The following MALRD1 variants were observed in gnomAD, a reference collection of about 807,000 sequenced individuals.
MALRD1 encodes MAM and LDL-receptor class A domain-containing protein 1.
In MALRD1, 247 loss-of-function variants were observed where a neutral mutation model predicts 242.1. The observed-to-expected ratio is 1.02, with a 90% CI of 0.92 to 1.13. MALRD1 has a LOEUF of 1.13. Ranked by LOEUF, MALRD1 falls within the 50% of genes most tolerant of loss-of-function variation. The probability of loss-of-function intolerance (pLI) is 0.00; values close to 1 mark genes in which losing one functional copy is unlikely to be tolerated. For missense variants in MALRD1, 2,989 were observed against 2,533.1 expected (o/e 1.18, Z -3.86); for synonymous variants, 995 against 866.6 (o/e 1.15, Z -2.60).
chr10:19,497,141 A>G lies in MALRD1; in HGVS notation c.5159-1344A>G, dbSNP rs1247067974. On this transcript the variant is annotated intron_variant, in intron 30 of 39. Coordinates refer to ENST00000454679, the MANE Select transcript of MALRD1 (RefSeq NM_001142308.3). ...GTATATCAGGGAGTCACTTACATAG[A>G]AAACTAGTAAAGAATGTGCAGGTGA... 3.3e-5 allele frequency among the ~76,000 whole-genome samples: 5 copies of G among 152,164 alleles called. No individual in the cohort carries two copies. The East Asian group carries it at 9.6e-4, about 29-fold the overall frequency.
At chr10:19,628,732 A>T (rs1215052804) in intron 36 of MALRD1, among the ~76,000 whole-genome samples, 1 of 152,162 alleles carries the variant, frequency 6.6e-6, no homozygotes, top group East Asian at 1.9e-4. Flanking sequence ...CATTAAAAAG[A>T]TTTTTGAAAA....
At chr10:19,307,487 T>C (rs1336860024) in intron 21 of MALRD1, among the ~76,000 whole-genome samples, 4 of 151,574 alleles carry the variant, frequency 2.6e-5, no homozygotes, top group Non-Finnish European at 5.9e-5. Flanking sequence ...ATTTGACACA[T>C]TCAGTCATAA....
chr10:19,534,402 A>G (rs1188819015), intron 32 of MALRD1, among the ~76,000 whole-genome samples: 1 of 152,186 alleles, frequency 6.6e-6, no homozygotes, highest in Non-Finnish European at 1.5e-5. Flanking sequence ...GCTTTCCATT[A>G]GCATGCTTTT....
intron 9 of MALRD1, among the ~76,000 whole-genome samples, chr10:19,136,052 T>A (rs1833323424): frequency 6.6e-6 from 1 of 152,260 alleles, no homozygotes; most frequent in African/African-American, 2.4e-5. Flanking sequence ...TACATTTTTT[T>A]ATTCCTATAT....
intron 35 of MALRD1, among the ~76,000 whole-genome samples, chr10:19,614,659 C>T (rs932913098): frequency 2.6e-5 from 4 of 152,066 alleles, no homozygotes; most frequent in Admixed American, 6.6e-5. Flanking sequence ...ACCACTCTCA[C>T]GGTAGTTACT....
At position 19,198,826 on chromosome 10, in the gene MALRD1, A is replaced by G. The variant is rs909199469; in HGVS notation, c.1952-4902A>G. Among the ~76,000 whole-genome samples the G allele has an allele frequency of 7.2e-5, 11 of 152,312 alleles. No individual in the cohort carries two copies. The East Asian group carries it at 1.9e-3, about 27-fold the overall frequency. On this transcript the variant is annotated intron_variant, in intron 14 of 39. Coordinates refer to ENST00000454679, the MANE Select transcript of MALRD1 (RefSeq NM_001142308.3). ...CATTTATATAGACAGCTTTAAAATA[A>G]TTTTATGGTACTTTTGCAAACATTC...
At chr10:19,406,857 C>G (rs72784330) in intron 28 of MALRD1, among the ~76,000 whole-genome samples, 1 of 152,048 alleles carries the variant, frequency 6.6e-6, no homozygotes, top group East Asian at 1.9e-4. Context: ...AAATACAACA[C>G]CCTCACTTGT....
intron 2 of MALRD1, among the ~76,000 whole-genome samples, chr10:19,081,451 C>A (rs1376261131): frequency 2.6e-5 from 4 of 152,078 alleles, no homozygotes; most frequent in African/African-American, 9.7e-5. Context: ...GGAATGAGAT[C>A]ATGTCCTTTG....
chr10:19,400,371 C>T (rs1054097804), intron 28 of MALRD1, among the ~76,000 whole-genome samples: 1 of 152,078 alleles, frequency 6.6e-6, no homozygotes, highest in South Asian at 2.1e-4. Flanking sequence ...CGGTGTGTTC[C>T]CATATGATTA....
rs549542497 is a variant in MALRD1 at position 19,299,526 on chromosome 10, C to A, written c.3419+16345C>A. Among the ~76,000 whole-genome samples the A allele has an allele frequency of 2.0e-5, 3 of 152,002 alleles. No individual in the cohort carries two copies. In the East Asian group the frequency reaches 5.8e-4, roughly 30 times the overall value. On this transcript the variant is annotated intron_variant, in intron 21 of 39. Transcript: ENST00000454679. The stretch of plus-strand genomic sequence containing the variant: ...TACTGGAGCACCTGAATTCATAAAA[C>A]AAATTCTTAGAGACCTACAAATAGA...
intron 18 of MALRD1, among the ~76,000 whole-genome samples, chr10:19,250,717 C>T (rs151252846): frequency 6.6e-6 from 1 of 151,880 alleles, no homozygotes; most frequent in East Asian, 1.9e-4. Flanking sequence ...AAGTTAATCT[C>T]ATATGAGTTG....
chr10:19,476,409 A>G (rs1425341878), intron 29 of MALRD1, among the ~76,000 whole-genome samples: 1 of 151,964 alleles, frequency 6.6e-6, no homozygotes, highest in Non-Finnish European at 1.5e-5. Flanking sequence ...TCTGAGCTAC[A>G]CCCTTCCTCA....
chr10:19,197,655 T>G (rs2131599447), intron 14 of MALRD1, among the ~76,000 whole-genome samples: 1 of 152,296 alleles, frequency 6.6e-6, no homozygotes, highest in South Asian at 2.1e-4. Flanking sequence ...CTTCAGCCAT[T>G]TACCCAGTTG....
At chr10:19,204,067 A>G (rs1232631443) in intron 15 of MALRD1, among the ~76,000 whole-genome samples, 187 bp downstream of exon 15, 3 of 152,252 alleles carry the variant, frequency 2.0e-5, no homozygotes, top group East Asian at 1.9e-4. Flanking sequence ...TAGCATATAG[A>G]TATATTTTTG....
intron 19 of MALRD1, among the ~76,000 whole-genome samples, chr10:19,271,489 G>A (rs1198540897): frequency 2.0e-5 from 3 of 152,196 alleles, no homozygotes; most frequent in Non-Finnish European, 2.9e-5. Context: ...GTTAGGCCGG[G>A]TACGGTGGCT....
intron 15 of MALRD1, among the ~76,000 whole-genome samples, 182 bp downstream of exon 15, chr10:19,204,062 T>C (rs1836672702): frequency 6.6e-6 from 1 of 152,232 alleles, no homozygotes; most frequent in Non-Finnish European, 1.5e-5. Context: ...ACAGATAGCA[T>C]ATAGATATAT....
intron 30 of MALRD1, among the ~76,000 whole-genome samples, chr10:19,495,428 G>T (rs1375441132): frequency 1.3e-5 from 2 of 151,216 alleles, no homozygotes; most frequent in South Asian, 4.2e-4. Flanking sequence ...GAAAAATTGG[G>T]GGCCTATATT....
intron 14 of MALRD1, among the ~76,000 whole-genome samples, chr10:19,177,088 C>A (rs1283439323): frequency 6.6e-6 from 1 of 151,770 alleles, no homozygotes; most frequent in Non-Finnish European, 1.5e-5. Context: ...ACCTGCCTGG[C>A]CAACATGGTG....
chr10:19,655,675 C>T (rs2131719846), intron 36 of MALRD1, among the ~76,000 whole-genome samples: 1 of 150,726 alleles, frequency 6.6e-6, no homozygotes, highest in Non-Finnish European at 1.5e-5. Flanking sequence ...AAAAAAATAC[C>T]ACTAGGATAA....
Sources: gnomAD v4.1 joint callset for allele counts (sites outside exome capture counted in the v4.1 genomes callset) on GRCh38, gnomAD v4.1.1 for gene constraint, MANE v1.5 for transcripts, NCBI Gene and HGNC (gene_info 2026-07-23, HGNC 2026-07-21) for gene names.